Variants in MAMLD1 observed in about 807,000 individuals in gnomAD.
The protein encoded by MAMLD1 is mastermind-like domain-containing protein 1.
Under a neutral mutation model 45.0 loss-of-function variants are expected in MAMLD1, and 14 were observed. The observed-to-expected ratio is 0.31, with a 90% CI of 0.21 to 0.49. The LOEUF (loss-of-function observed/expected upper bound fraction) is 0.49, where lower values mean the gene tolerates loss of function less well. Ranked by LOEUF, MAMLD1 falls within the 20% of genes least tolerant of loss-of-function variation. The probability of loss-of-function intolerance (pLI) is 0.99; values close to 1 mark genes in which losing one functional copy is unlikely to be tolerated. For synonymous variants in MAMLD1, 254 were observed against 247.8 expected (o/e 1.02, Z -0.24); for missense variants, 543 against 603.6 (o/e 0.90, Z 1.05).
At chrX:150,372,793 G>A (rs1557401148) in intron 1 of MAMLD1, among the ~76,000 whole-genome samples, 1 of 112,311 alleles carries the variant, frequency 8.9e-6, no homozygotes, top group African/African-American at 3.2e-5. Context: ...GGGGTAAAGA[G>A]CATTATCATG....
At chrX:150,485,578 T>C (rs782014790) in intron 5 of MAMLD1, among the ~76,000 whole-genome samples, 1 of 112,113 alleles carries the variant, frequency 8.9e-6, no homozygotes, top group East Asian at 2.8e-4. Context: ...TCATCAATTA[T>C]TTTCTTCACA....
intron 3 of MAMLD1, among the ~76,000 whole-genome samples, chrX:150,464,222 T>C (rs1175236626): frequency 5.4e-5 from 6 of 111,853 alleles, no homozygotes; most frequent in African/African-American, 2.0e-4. Flanking sequence ...GCAGCCTGCA[T>C]CTGCCTGCAT....
chrX:150,501,249 A>G (rs1362824020), intron 5 of MAMLD1, among the ~76,000 whole-genome samples: 1 of 112,493 alleles, frequency 8.9e-6, no homozygotes, highest in Admixed American at 9.4e-5. Context: ...AGAGTGTGTT[A>G]TCATGGAGCA....
Position 150,503,293 on chromosome X carries a change from G to A in MAMLD1, c.2060G>A (p.Cys687Tyr), listed in dbSNP as rs781974065. 8.3e-7 allele frequency: 1 copy of A among 1,211,734 alleles called. No individual in the cohort carries two copies. The highest frequency in any genetic ancestry group is 2.2e-5 in the Admixed American group (1 of 46,146). The stretch of plus-strand genomic sequence containing the variant: ...TTGTAGACTCATGTAGACAAAGCCT[G>A]CAAGCTTGGGGAAGCCAGGCACCCC... ...PSNITHVDKA[C>Y]KLGEARHPQV... Residue 687 changes from cysteine to tyrosine, a missense_variant, in exon 6 of 8, where the codon TGC (cysteine) becomes TAC (tyrosine). Transcript: ENST00000370401.
intron 1 of MAMLD1, among the ~76,000 whole-genome samples, chrX:150,392,321 C>T (rs2033216598): frequency 9.0e-6 from 1 of 111,630 alleles, no homozygotes; most frequent in South Asian, 3.8e-4. Flanking sequence ...GACTGCTGGC[C>T]ATCCCTGACT....
At chrX:150,418,047 G>A (rs1320488747) in intron 1 of MAMLD1, among the ~76,000 whole-genome samples, 41 of 110,333 alleles carry the variant, frequency 3.7e-4, no homozygotes, top group Non-Finnish European at 7.2e-4. Context: ...GGTAGAATTC[G>A]GCTGTGAATC....
chrX:150,399,454 C>G (rs1480798489), intron 1 of MAMLD1, among the ~76,000 whole-genome samples: 1 of 111,658 alleles, frequency 9.0e-6, no homozygotes, highest in Non-Finnish European at 1.9e-5. Context: ...CCCTTAGAAC[C>G]CGTGAATGTG....
intron 1 of MAMLD1, among the ~76,000 whole-genome samples, chrX:150,434,041 T>A (rs1345677199): frequency 1.8e-5 from 2 of 111,641 alleles, no homozygotes; most frequent in African/African-American, 6.5e-5. Context: ...CCTGGGCTTT[T>A]TTCTGGTTGG....
Position 150,470,238 on chromosome X carries a change from A to G in MAMLD1, c.665A>G (p.Lys222Arg). ...HPQATLSTTPKPSVQMSHLES... is the reference protein window; with the variant it reads ...HPQATLSTTPRPSVQMSHLES... Reference sequence around the variant, plus strand: ...CAGGCAACCCTAAGCACAACTCCCAAGCCTTCGGTTCAGATGTCACACTTG... The same window carrying G: ...CAGGCAACCCTAAGCACAACTCCCAGGCCTTCGGTTCAGATGTCACACTTG... The change falls in exon 4 of 8, where the codon AAG becomes AGG. Residue 222 changes from lysine (K) to arginine (R), a missense_variant. Coordinates refer to ENST00000370401, the MANE Select transcript of MAMLD1 (RefSeq NM_005491.5). The G allele has an allele frequency of 5.0e-6, 6 of 1,211,768 alleles. No individual in the cohort carries two copies. The highest frequency in any genetic ancestry group is 6.7e-6 in the Non-Finnish European group (6 of 895,521).
intron 1 of MAMLD1, among the ~76,000 whole-genome samples, chrX:150,375,878 G>A (rs2032291229): frequency 8.9e-6 from 1 of 112,164 alleles, no homozygotes; most frequent in African/African-American, 3.2e-5. Flanking sequence ...CAAACAAAAT[G>A]AGAGTAGTTT....
intron 1 of MAMLD1, among the ~76,000 whole-genome samples, chrX:150,389,722 T>G (rs1028530449): frequency 1.6e-4 from 18 of 112,157 alleles, no homozygotes; most frequent in Non-Finnish European, 3.8e-5. Flanking sequence ...TTGTTGAGAG[T>G]GGAGTGCTGA....
intron 1 of MAMLD1, among the ~76,000 whole-genome samples, chrX:150,440,111 A>G (rs782740501): frequency 9.0e-6 from 1 of 111,663 alleles, no homozygotes; most frequent in South Asian, 3.7e-4. Flanking sequence ...TGAGGTGATC[A>G]CATGATTTTT....
intron 1 of MAMLD1, among the ~76,000 whole-genome samples, chrX:150,405,383 T>C (rs2033969183): frequency 9.0e-6 from 1 of 111,074 alleles, no homozygotes; most frequent in Non-Finnish European, 1.9e-5. Flanking sequence ...AACTAGGTCC[T>C]TTGAGGGGAA....
intron 1 of MAMLD1, among the ~76,000 whole-genome samples, chrX:150,380,037 A>G (rs1557401577): frequency 8.9e-6 from 1 of 112,474 alleles, no homozygotes; most frequent in Non-Finnish European, 1.9e-5. Context: ...TAAAGAGTAC[A>G]TTTCTATAAG....
chrX:150,458,330 C>T (rs898521454), intron 2 of MAMLD1, among the ~76,000 whole-genome samples: 1 of 111,404 alleles, frequency 9.0e-6, no homozygotes, highest in African/African-American at 3.3e-5. Flanking sequence ...TCTTCTCCCA[C>T]CTACATAGCA....
At chrX:150,390,383 TTTC>T (rs1373511615) in intron 1 of MAMLD1, among the ~76,000 whole-genome samples, 1 of 112,713 alleles carries the variant, frequency 8.9e-6, no homozygotes, top group African/African-American at 3.2e-5. Context: ...CCTCCATTTG[TTTC>T]TTCTTTGTAT....
At chrX:150,502,944 G>C (rs782204258) in intron 5 of MAMLD1, among the ~76,000 whole-genome samples, 2 of 111,987 alleles carry the variant, frequency 1.8e-5, no homozygotes, top group South Asian at 7.4e-4. Context: ...CAAGCCAGGG[G>C]AGTCTTCACA....
At chrX:150,401,648 T>A (rs1436490186) in intron 1 of MAMLD1, among the ~76,000 whole-genome samples, 6 of 111,685 alleles carry the variant, frequency 5.4e-5, no homozygotes, top group Non-Finnish European at 1.1e-4. Flanking sequence ...GCTGGAGACA[T>A]CACAGTACCT....
At chrX:150,376,011 C>T (rs1480356556) in intron 1 of MAMLD1, among the ~76,000 whole-genome samples, 1 of 111,454 alleles carries the variant, frequency 9.0e-6, no homozygotes, top group African/African-American at 3.3e-5. Context: ...CTGAGGGCCA[C>T]CGACATGTGG....
Sources: allele counts gnomAD v4.1 joint callset (sites outside exome capture counted in the v4.1 genomes callset), GRCh38; gene constraint gnomAD v4.1.1; transcripts MANE v1.5; gene names NCBI Gene and HGNC (gene_info 2026-07-23, HGNC 2026-07-21).